OSBPL11: variants seen among roughly 807,000 people sequenced by gnomAD.
OSBPL11 encodes oxysterol-binding protein-related protein 11.
Under a neutral mutation model 84.4 loss-of-function variants are expected in OSBPL11, and 33 were observed. The observed-to-expected ratio is 0.39, with a 90% CI of 0.30 to 0.52. OSBPL11 has a LOEUF of 0.52. OSBPL11 is among the 20% of genes least tolerant of loss of function. OSBPL11 has a pLI of 0.72. For synonymous variants in OSBPL11, 276 were observed against 310.2 expected (o/e 0.89, Z 1.16); for missense variants, 736 against 901.1 (o/e 0.82, Z 2.35).
chr3:125,583,759 T>A (rs903602783), intron 1 of OSBPL11, among the ~76,000 whole-genome samples: 1 of 151,978 alleles, frequency 6.6e-6, no homozygotes, highest in African/African-American at 2.4e-5. Context: ...TAAATAAGAA[T>A]AATAAATAAA....
intron 2 of OSBPL11, 86 bp downstream of exon 2, chr3:125,582,824 C>A: frequency 9.9e-7 from 1 of 1,013,912 alleles, no homozygotes; most frequent in Non-Finnish European, 1.5e-6. Context: ...CCATGTCTGT[C>A]TAAAGTAATA....
rs1368517000 is a variant in OSBPL11 at position 125,531,987 on chromosome 3, C to T, written c.2052G>A (p.Ser684=). The stretch of plus-strand genomic sequence containing the variant: ...CCTTATCAATTTCAGATTCTCTCAG[C>T]GAGTCTGTCACATTTTTCCACAATC... ...SRRLWKNVTD[S]LRESEIDKAT... is the part of the protein sequence containing the mutation. The change falls in exon 12 of 13, where the codon TCG becomes TCA. Residue 684 remains serine (S), a synonymous_variant. Coordinates refer to ENST00000296220, the MANE Select transcript of OSBPL11 (RefSeq NM_022776.5). 2.8e-5 allele frequency: 45 copies of T among 1,609,458 alleles called. No individual in the cohort carries two copies. Among genetic ancestry groups the T allele is most frequent in the Non-Finnish European group, 3.7e-5 (44 of 1,178,934 alleles).
In OSBPL11 at chr3:125,532,455, A is replaced by G. The variant is rs544985839; in HGVS notation, c.2025-441T>C. 4.6e-5 allele frequency among the ~76,000 whole-genome samples: 7 copies of G among 152,212 alleles called. No homozygotes were observed. In the East Asian group the frequency reaches 1.4e-3, roughly 29 times the overall value. ...GGTTTTCAGATACTGAGCAAAAGGC[A>G]GTGCAGGGCAGTGATCCTTGAGAAA... On this transcript the variant is annotated intron_variant, in intron 11 of 12. Coordinates refer to ENST00000296220, the MANE Select transcript of OSBPL11 (RefSeq NM_022776.5).
chr3:125,582,077 G>C (rs867216620), intron 2 of OSBPL11, among the ~76,000 whole-genome samples: 1 of 152,166 alleles, frequency 6.6e-6, no homozygotes, highest in African/African-American at 2.4e-5. Context: ...GCTCACGCCT[G>C]TGATCCCTGC....
intron 4 of OSBPL11, among the ~76,000 whole-genome samples, chr3:125,577,716 C>T (rs567033438): frequency 1.6e-4 from 24 of 152,102 alleles, no homozygotes; most frequent in African/African-American, 5.5e-4. Context: ...GTAGTCCTAG[C>T]TACTTGGGAG....
intron 5 of OSBPL11, among the ~76,000 whole-genome samples, chr3:125,573,734 G>GC (rs1003280036): frequency 4.0e-5 from 6 of 151,854 alleles, no homozygotes; most frequent in African/African-American, 1.5e-4. Flanking sequence ...CATGGTGGAT[G>GC]CCTGCAGCAT....
rs1477025569 is a variant in OSBPL11, at chr3:125,529,105, T to A, written c.*1410A>T. ...CAGAGCACAAAGCTTAAACTTCTTATGATGATGCAACAGACACAGCCACCT... is the reference window on the plus strand; with the variant it reads ...CAGAGCACAAAGCTTAAACTTCTTAAGATGATGCAACAGACACAGCCACCT... On this transcript the variant is annotated 3_prime_UTR_variant, in exon 13 of 13. Transcript: ENST00000296220. The A allele has an allele frequency of 6.6e-6, 1 of 152,636 alleles. No homozygotes were observed. Among genetic ancestry groups the A allele is most frequent in the African/African-American group, 2.4e-5 (1 of 41,450 alleles). 9.5% of individuals were successfully genotyped at this position (152,636 alleles called of 1,614,324 possible).
At chr3:125,587,133 G>T (rs1005033771) in intron 1 of OSBPL11, among the ~76,000 whole-genome samples, 1 of 152,152 alleles carries the variant, frequency 6.6e-6, no homozygotes, top group African/African-American at 2.4e-5. Flanking sequence ...AATAAAAAAG[G>T]CATTAAACAA....
Position 125,552,156 on chromosome 3 carries a change from TATATAA to T in OSBPL11, c.1654+19_1654+24del. 2.4e-6 allele frequency: 3 copies of T among 1,252,502 alleles called. No homozygotes were observed. Among genetic ancestry groups the T allele is most frequent in the Non-Finnish European group, 3.2e-6 (3 of 928,936 alleles). The allele number at this position is 1,252,502 out of a possible 1,614,324, so 77.6% of individuals were successfully genotyped here. The stretch of plus-strand genomic sequence containing the variant: ...ATGTGTGTGTGTATATATATATATA[TATATAA>T]AATAATTTTTCTACTTACCTTCTCC... On this transcript the variant is annotated intron_variant, in intron 9 of 12. Transcript: ENST00000296220.
At position 125,530,420 on chromosome 3, in the gene OSBPL11, C is replaced by A; in HGVS notation, c.*95G>T. The A allele has an allele frequency of 8.8e-7, 1 of 1,140,654 alleles. No homozygotes were observed. The highest frequency in any genetic ancestry group is 2.4e-5 in the East Asian group (1 of 42,380). The allele number at this position is 1,140,654 out of a possible 1,614,324, so 70.7% of individuals were successfully genotyped here. A position where few individuals can be genotyped will look rare whatever the true frequency, so the allele number is the denominator to read the frequency against. On this transcript the variant is annotated 3_prime_UTR_variant, in exon 13 of 13. Coordinates refer to ENST00000296220, the MANE Select transcript of OSBPL11 (RefSeq NM_022776.5). The stretch of plus-strand genomic sequence containing the variant: ...TTTAGCTAGTTTCAGTCTGCGCAAT[C>A]AGGAAGCAGGTCACTCAGTGCAATG...
intron 11 of OSBPL11, among the ~76,000 whole-genome samples, chr3:125,537,851 G>A (rs1174653623): frequency 1.3e-5 from 2 of 152,038 alleles, no homozygotes; most frequent in Admixed American, 6.6e-5. Context: ...TTATTAACAC[G>A]TATAGATCCA....
chr3:125,578,500 T>C (rs1936367022), intron 4 of OSBPL11, among the ~76,000 whole-genome samples: 2 of 152,142 alleles, frequency 1.3e-5, no homozygotes, highest in South Asian at 4.1e-4. Context: ...TTCCAGCACT[T>C]TGGGAAGCCA....
Position 125,567,424 on chromosome 3 carries a change from C to T in OSBPL11, c.838G>A (p.Ala280Thr). 6.2e-7 allele frequency: 1 copy of T among 1,614,116 alleles called. No individual in the cohort carries two copies. The highest frequency in any genetic ancestry group is 8.5e-7 in the Non-Finnish European group (1 of 1,179,980). ...DCFHILQLQHASHQKGSLPSG... is the reference protein window; with the variant it reads ...DCFHILQLQHTSHQKGSLPSG... Reference sequence around the variant, plus strand: ...GGCAATGAGCCCTTCTGATGTGATGCATGCTGTAACTGGAGAATATGAAAG... The same window carrying T: ...GGCAATGAGCCCTTCTGATGTGATGTATGCTGTAACTGGAGAATATGAAAG... The change falls in exon 6 of 13, where the codon GCA becomes ACA. Residue 280 changes from alanine (A) to threonine (T), a missense_variant. This residue lies in a region of OSBPL11 where 579 missense variants were observed against 717.6 expected (regional missense o/e 0.81). Coordinates refer to ENST00000296220, the MANE Select transcript of OSBPL11 (RefSeq NM_022776.5).
intron 1 of OSBPL11, among the ~76,000 whole-genome samples, chr3:125,593,062 A>G (rs974522796): frequency 2.0e-5 from 3 of 152,206 alleles, no homozygotes; most frequent in African/African-American, 7.2e-5. Flanking sequence ...AAAGTTGTAA[A>G]CCAAAAATAA....
intron 10 of OSBPL11, among the ~76,000 whole-genome samples, chr3:125,539,322 T>C (rs1482868397): frequency 8.4e-6 from 1 of 119,530 alleles, no homozygotes; most frequent in African/African-American, 4.0e-5. Flanking sequence ...TATATATATA[T>C]ATATATATAT....
intron 10 of OSBPL11, among the ~76,000 whole-genome samples, chr3:125,542,490 C>T (rs1237084102): frequency 2.0e-5 from 3 of 150,918 alleles, no homozygotes; most frequent in Non-Finnish European, 4.4e-5. Flanking sequence ...CATGTGCCAC[C>T]ATGTCCTGCT....
At chr3:125,580,124 T>A in intron 2 of OSBPL11, 84 bp from the exon 3 acceptor site, 3 of 1,135,266 alleles carry the variant, frequency 2.6e-6, no homozygotes, top group Non-Finnish European at 3.8e-6. Flanking sequence ...CACTTACACA[T>A]TTCAGGGTTT....
Position 125,594,995 on chromosome 3 carries a change from C to CA in OSBPL11, c.-196dup, listed in dbSNP as rs772968096. ...CACAGAAGTTAAACTTTTGAGAGGG[C>CA]AGGGGAAGCAACGAGGACAGATATC... On this transcript the variant is annotated 5_prime_UTR_variant, in exon 1 of 13. Coordinates refer to ENST00000296220, the MANE Select transcript of OSBPL11 (RefSeq NM_022776.5). 14 of 576,542 alleles carry CA rather than the reference C, an allele frequency of 2.4e-5. No homozygotes were observed. Among genetic ancestry groups the CA allele is most frequent in the Non-Finnish European group, 4.2e-5 (14 of 329,564 alleles). 35.7% of individuals were successfully genotyped at this position (576,542 alleles called of 1,614,324 possible).
intron 11 of OSBPL11, among the ~76,000 whole-genome samples, chr3:125,534,906 A>G (rs1014853284): frequency 2.7e-5 from 4 of 148,340 alleles, no homozygotes; most frequent in African/African-American, 9.9e-5. Context: ...CTTTTACAGA[A>G]AAAGTTTGCT....
Sources: allele counts gnomAD v4.1 joint callset (sites outside exome capture counted in the v4.1 genomes callset), GRCh38; gene constraint gnomAD v4.1.1; regional missense constraint gnomAD v4.1.1; transcripts MANE v1.5; gene names NCBI Gene and HGNC (gene_info 2026-07-23, HGNC 2026-07-21).